The following RAMP1 variants were observed in gnomAD, a reference collection of about 807,000 sequenced individuals.
RAMP1 encodes receptor activity-modifying protein 1.
A neutral mutation model predicts 8.2 loss-of-function variants in RAMP1; 7 were observed. The ratio of observed to expected loss-of-function variants is 0.85; its 90% CI spans 0.49 to 1.60. RAMP1 has a LOEUF of 1.60. Among genes scored for constraint, RAMP1 ranks in the 40% most tolerant of loss-of-function variants. The probability of loss-of-function intolerance (pLI) is 0.00; values close to 1 mark genes in which losing one functional copy is unlikely to be tolerated. For missense variants in RAMP1, 192 were observed against 202.4 expected (o/e 0.95, Z 0.31); for synonymous variants, 92 against 84.7 (o/e 1.09, Z -0.47).
chr2:237,883,173 T>A (rs2062389143), intron 2 of RAMP1, among the ~76,000 whole-genome samples: 1 of 152,106 alleles, frequency 6.6e-6, no homozygotes, highest in African/African-American at 2.4e-5. Flanking sequence ...AGCTGCCACA[T>A]GCCTGCTGCC....
intron 2 of RAMP1, among the ~76,000 whole-genome samples, chr2:237,889,651 T>C (rs1225563163): frequency 4.6e-5 from 7 of 152,240 alleles, no homozygotes; most frequent in African/African-American, 1.7e-4. Context: ...ATTTTCTGCC[T>C]ATTTTTCCAA....
intron 2 of RAMP1, among the ~76,000 whole-genome samples, chr2:237,881,439 C>T (rs1030572424): frequency 1.3e-5 from 2 of 152,218 alleles, no homozygotes; most frequent in African/African-American, 2.4e-5. Context: ...AGAATAGATA[C>T]CCAGAAGTGG....
chr2:237,902,469 G>A (rs1387080714), intron 2 of RAMP1, among the ~76,000 whole-genome samples: 1 of 151,888 alleles, frequency 6.6e-6, no homozygotes, highest in Non-Finnish European at 1.5e-5. Flanking sequence ...CTCCGCAGAG[G>A]GGGTGGGGGG....
At chr2:237,895,204 T>G (rs1297984033) in intron 2 of RAMP1, among the ~76,000 whole-genome samples, 2 of 152,140 alleles carry the variant, frequency 1.3e-5, no homozygotes, top group Non-Finnish European at 2.9e-5. Flanking sequence ...ACGTGTTGCC[T>G]GCCTGTGTGG....
At chr2:237,884,728 G>A (rs1170972497) in intron 2 of RAMP1, among the ~76,000 whole-genome samples, 1 of 152,182 alleles carries the variant, frequency 6.6e-6, no homozygotes, top group Non-Finnish European at 1.5e-5. Context: ...TACCAGCTGG[G>A]ATGCCTCCGT....
intron 2 of RAMP1, among the ~76,000 whole-genome samples, chr2:237,905,857 A>G (rs2062645889): frequency 1.3e-5 from 2 of 151,986 alleles, no homozygotes; most frequent in Admixed American, 6.6e-5. Flanking sequence ...CTAAAAATAC[A>G]AAAATTAGCC....
At chr2:237,897,694 A>T (rs1354158403) in intron 2 of RAMP1, among the ~76,000 whole-genome samples, 1 of 149,644 alleles carries the variant, frequency 6.7e-6, no homozygotes, top group African/African-American at 2.5e-5. Context: ...TTGTTTACAG[A>T]TCCACGTGTC....
At chr2:237,892,332 C>T (rs543412259) in intron 2 of RAMP1, among the ~76,000 whole-genome samples, 2 of 141,418 alleles carry the variant, frequency 1.4e-5, no homozygotes, top group South Asian at 2.2e-4. Flanking sequence ...GATCATGGCT[C>T]ACTGCAGCCT....
chr2:237,888,845 C>A (rs1156562601), intron 2 of RAMP1, among the ~76,000 whole-genome samples: 1 of 152,166 alleles, frequency 6.6e-6, no homozygotes, highest in African/African-American at 2.4e-5. Context: ...AATCTTGGCT[C>A]ACTGCAACCC....
In RAMP1 at chr2:237,897,990, G is replaced by GT. The variant is rs531545235; in HGVS notation, c.192-13538_192-13537insT. On this transcript the variant is annotated intron_variant, in intron 2 of 2. Transcript: ENST00000254661. ...ATTTTTGTATTTTTAGTAGAGACTG[G>GT]GTTTCACCATGTTGGCCAGGCTGGT... Among the ~76,000 whole-genome samples the GT allele has an allele frequency of 1.1e-4, 16 of 152,176 alleles. No homozygotes were observed. In the East Asian group the frequency reaches 2.5e-3, roughly 24 times the overall value.
rs559114782 is a variant in RAMP1, at chr2:237,890,144, C to A, written c.191+12782C>A. ...CCTTAATCAGGTTTTAGGGTTAGGA[C>A]CACGTTTGCCTAATGGGATAGACAT... On this transcript the variant is annotated intron_variant, in intron 2 of 2. Coordinates refer to ENST00000254661, the MANE Select transcript of RAMP1 (RefSeq NM_005855.4). Among the ~76,000 whole-genome samples, 26 of 152,252 alleles carry A rather than the reference C, an allele frequency of 1.7e-4. No homozygotes were observed. In the Middle Eastern group the frequency reaches 0.01, roughly 60 times the overall value.
intron 1 of RAMP1, among the ~76,000 whole-genome samples, chr2:237,868,720 A>G (rs942549796): frequency 2.0e-5 from 3 of 152,112 alleles, no homozygotes; most frequent in African/African-American, 7.2e-5. Context: ...GCTTGGCTGG[A>G]TCCCCTGAGT....
chr2:237,895,033 G>C (rs961923366), intron 2 of RAMP1, among the ~76,000 whole-genome samples: 9 of 152,140 alleles, frequency 5.9e-5, no homozygotes, highest in African/African-American at 2.2e-4. Context: ...CAGGCACCTA[G>C]CCAATGGTGC....
At chr2:237,873,660 G>A (rs944237325) in intron 1 of RAMP1, among the ~76,000 whole-genome samples, 6 of 152,230 alleles carry the variant, frequency 3.9e-5, no homozygotes, top group Admixed American at 2.0e-4. Context: ...ACCTCTGCAC[G>A]TGGCTTTTGA....
intron 2 of RAMP1, among the ~76,000 whole-genome samples, chr2:237,899,696 C>T (rs563279558): frequency 1.8e-4 from 28 of 152,362 alleles, no homozygotes; most frequent in African/African-American, 5.5e-4. Context: ...TGCGTTGAGA[C>T]GCATGTCATG....
rs1381862192 is a variant in RAMP1, at chr2:237,877,129, C to T, written c.53-95C>T. On this transcript the variant is annotated intron_variant, in intron 1 of 2. Coordinates refer to ENST00000254661, the MANE Select transcript of RAMP1 (RefSeq NM_005855.4). This position sits in a 1 kb window ranked among gnomAD's most constrained non-coding sequence, Gnocchi z 4.4. Reference sequence around the variant, plus strand: ...AGGGGTTGCTTAGAGGCCCCGTTCTCGTGGAGTCCGGGCTGCAGGGGCGCG... The same window carrying T: ...AGGGGTTGCTTAGAGGCCCCGTTCTTGTGGAGTCCGGGCTGCAGGGGCGCG... 1.2e-5 allele frequency: 19 copies of T among 1,539,808 alleles called. No homozygotes were observed. The highest frequency in any genetic ancestry group is 9.0e-5 in the East Asian group (4 of 44,470).
At chr2:237,869,581 T>C (rs1007695470) in intron 1 of RAMP1, among the ~76,000 whole-genome samples, 2 of 152,232 alleles carry the variant, frequency 1.3e-5, no homozygotes, top group African/African-American at 4.8e-5. Flanking sequence ...CATGTCGTAG[T>C]GTGAATCAGA....
intron 2 of RAMP1, among the ~76,000 whole-genome samples, chr2:237,888,817 G>A (rs590395): frequency 0.15 from 23,329 of 151,978 alleles, 1,896 homozygotes; most frequent in Middle Eastern, 0.27. Context: ...TCTTGCCCAG[G>A]CTGGAGTGCA....
chr2:237,894,476 G>A (rs2062517741), intron 2 of RAMP1, among the ~76,000 whole-genome samples: 1 of 152,318 alleles, frequency 6.6e-6, no homozygotes, highest in East Asian at 1.9e-4. Flanking sequence ...CTGTGGAAGG[G>A]CCCTTTGGGC....
Sources: allele counts gnomAD v4.1 joint callset (sites outside exome capture counted in the v4.1 genomes callset), GRCh38; gene constraint gnomAD v4.1.1; non-coding constraint Gnocchi (gnomAD v3.1); transcripts MANE v1.5; gene names NCBI Gene and HGNC (gene_info 2026-07-23, HGNC 2026-07-21).